Variants in CSMD1 observed in about 807,000 individuals in gnomAD.
CSMD1 encodes the protein CUB and sushi domain-containing protein 1.
A neutral mutation model predicts 417.5 loss-of-function variants in CSMD1; 213 were observed. The ratio of observed to expected loss-of-function variants is 0.51; its 90% CI spans 0.46 to 0.57. The LOEUF (loss-of-function observed/expected upper bound fraction) is 0.57. CSMD1 is among the 20% of genes least tolerant of loss of function. The pLI is 0.00. For missense variants in CSMD1, 6,923 were observed against 4,529.7 expected (o/e 1.53, Z -15.17); for synonymous variants, 2,862 against 1,736.8 (o/e 1.65, Z -16.11).
intron 5 of CSMD1, among the ~76,000 whole-genome samples, chr8:3,967,494 A>T (rs571706662): frequency 2.6e-5 from 4 of 152,008 alleles, no homozygotes; most frequent in African/African-American, 7.2e-5. Flanking sequence ...GTTGAAATAC[A>T]TGTGTTGCGG....
chr8:4,002,602 G>C (rs994035195), intron 4 of CSMD1, among the ~76,000 whole-genome samples: 1 of 152,130 alleles, frequency 6.6e-6, no homozygotes, highest in Non-Finnish European at 1.5e-5. Flanking sequence ...TTATCTTCCA[G>C]TTTAGCTGCT....
rs1807084246 is a variant in CSMD1 at position 2,998,197 on chromosome 8, A to C, written c.8204-13T>G. 1 of 1,612,948 alleles carries C rather than the reference A, an allele frequency of 6.2e-7. No homozygotes were observed. The highest frequency in any genetic ancestry group is 8.5e-7 in the Non-Finnish European group (1 of 1,179,160). On this transcript the variant is annotated splice_polypyrimidine_tract_variant and intron_variant, in intron 53 of 69. Coordinates refer to ENST00000635120, the MANE Select transcript of CSMD1 (RefSeq NM_033225.6). ...CCACATGTGATGGCTGTAGAGAGACAGGTCAACGTCATTGTTAAATATTGA... is the reference window on the plus strand; with the variant it reads ...CCACATGTGATGGCTGTAGAGAGACCGGTCAACGTCATTGTTAAATATTGA...
At chr8:4,071,732 G>C (rs528004399) in intron 3 of CSMD1, among the ~76,000 whole-genome samples, 1 of 152,238 alleles carries the variant, frequency 6.6e-6, no homozygotes, top group South Asian at 2.1e-4. Flanking sequence ...CCTCCAAAAA[G>C]TTGATGAATA....
chr8:4,788,320 C>A, intron 1 of CSMD1: 8 of 1,570,596 alleles, frequency 5.1e-6, no homozygotes, highest in Middle Eastern at 1.8e-4. Flanking sequence ...GGTTTGGGAC[C>A]AGTGATGTCT....
intron 5 of CSMD1, among the ~76,000 whole-genome samples, chr8:3,823,028 C>T (rs570495896): frequency 2.6e-5 from 4 of 152,042 alleles, no homozygotes; most frequent in African/African-American, 9.7e-5. Flanking sequence ...AAACATAATT[C>T]GGCATCAGTA....
chr8:4,753,284 T>C (rs1246855551), intron 1 of CSMD1, among the ~76,000 whole-genome samples: 1 of 151,400 alleles, frequency 6.6e-6, no homozygotes, highest in Non-Finnish European at 1.5e-5. Context: ...TTGTAGAGGA[T>C]GATGAGGAAT....
chr8:3,311,954 T>C (rs891818153), intron 23 of CSMD1, among the ~76,000 whole-genome samples: 1 of 152,106 alleles, frequency 6.6e-6, no homozygotes, highest in African/African-American at 2.4e-5. Flanking sequence ...ATCATGGCTT[T>C]TAAAGACTTC....
At chr8:4,888,764 A>T (rs1377509803) in intron 1 of CSMD1, among the ~76,000 whole-genome samples, 1 of 152,126 alleles carries the variant, frequency 6.6e-6, no homozygotes, top group Non-Finnish European at 1.5e-5. Flanking sequence ...CTAAAAAGTA[A>T]GAACATTTCC....
intron 3 of CSMD1, among the ~76,000 whole-genome samples, chr8:4,104,719 C>T (rs934870055): frequency 1.3e-5 from 2 of 152,296 alleles, no homozygotes; most frequent in South Asian, 4.1e-4. Context: ...GCAACAGTCC[C>T]AAGAGGAACT....
chr8:3,019,370 A>G (rs138386368), intron 51 of CSMD1, among the ~76,000 whole-genome samples: 258 of 152,334 alleles, frequency 1.7e-3, no homozygotes, highest in African/African-American at 5.8e-3. Flanking sequence ...CAAGAATTAC[A>G]TAGTAGTAAT....
chr8:4,650,218 G>A (rs201388765), intron 1 of CSMD1, among the ~76,000 whole-genome samples: 6 of 151,852 alleles, frequency 4.0e-5, no homozygotes, highest in East Asian at 1.9e-4. Context: ...GGTGGCGGGC[G>A]CCTGTAGTCC....
chr8:3,856,500 G>C (rs1044166353), intron 5 of CSMD1, among the ~76,000 whole-genome samples: 1 of 152,150 alleles, frequency 6.6e-6, no homozygotes, highest in African/African-American at 2.4e-5. Flanking sequence ...GAGGAGAACT[G>C]CATGAGGATC....
intron 3 of CSMD1, among the ~76,000 whole-genome samples, chr8:4,161,120 G>T (rs960092556): frequency 4.0e-5 from 3 of 75,220 alleles, no homozygotes; most frequent in African/African-American, 1.0e-4. Context: ...AACAAATAAT[G>T]TAAAAAAAAA....
chr8:4,150,895 A>AATTAC (rs1796538283), intron 3 of CSMD1, among the ~76,000 whole-genome samples: 1 of 151,768 alleles, frequency 6.6e-6, no homozygotes, highest in Non-Finnish European at 1.5e-5. Flanking sequence ...ACGCCTGAGA[A>AATTAC]AGAGCAATGT....
intron 1 of CSMD1, among the ~76,000 whole-genome samples, chr8:4,798,259 G>A (rs1043607420): frequency 7.2e-5 from 11 of 152,214 alleles, no homozygotes; most frequent in African/African-American, 9.6e-5. Context: ...GAGAACATGC[G>A]GTGTTTGTTT....
intron 3 of CSMD1, among the ~76,000 whole-genome samples, chr8:4,165,757 G>T (rs1171667735): frequency 6.6e-6 from 1 of 152,096 alleles, no homozygotes; most frequent in Non-Finnish European, 1.5e-5. Context: ...ATTTCTTCCT[G>T]GTCATGCCAT....
intron 5 of CSMD1, among the ~76,000 whole-genome samples, chr8:3,959,477 T>G (rs1178407173): frequency 1.3e-5 from 2 of 152,182 alleles, no homozygotes; most frequent in East Asian, 1.9e-4. Flanking sequence ...CCAGACTGGA[T>G]GACTGAGCGA....
At chr8:3,800,424 G>C (rs2623632) in intron 5 of CSMD1, among the ~76,000 whole-genome samples, 11,737 of 152,204 alleles carry the variant, frequency 0.077, 718 homozygotes, top group East Asian at 0.28. Flanking sequence ...TGAAGTGCTT[G>C]AGAAATAGTA....
intron 3 of CSMD1, among the ~76,000 whole-genome samples, chr8:4,395,144 G>A (rs534849386): frequency 2.2e-4 from 33 of 152,206 alleles, no homozygotes; most frequent in Non-Finnish European, 4.0e-4. Context: ...CTTTGTCCCT[G>A]CTGTCCTCTG....
Sources: gnomAD v4.1 joint callset for allele counts (sites outside exome capture counted in the v4.1 genomes callset) on GRCh38, gnomAD v4.1.1 for gene constraint, MANE v1.5 for transcripts, NCBI Gene and HGNC (gene_info 2026-07-23, HGNC 2026-07-21) for gene names.